Variants in AGBL4 observed in about 807,000 individuals in gnomAD.
AGBL4 encodes the protein cytosolic carboxypeptidase 6.
In AGBL4, 58 loss-of-function variants were observed where a neutral mutation model predicts 66.4. That is an observed-to-expected ratio of 0.87 (90% CI 0.71 to 1.09). The LOEUF is 1.09. Ranked by LOEUF, AGBL4 falls within the 50% of genes least tolerant of loss-of-function variation. AGBL4 has a pLI of 0.00. For synonymous variants in AGBL4, 234 were observed against 222.9 expected (o/e 1.05, Z -0.44); for missense variants, 579 against 631.0 (o/e 0.92, Z 0.88).
chr1:48,923,624 T>C lies in AGBL4; in HGVS notation c.595-56394A>G, dbSNP rs574818040. Among the ~76,000 whole-genome samples the C allele has an allele frequency of 5.3e-5, 8 of 152,356 alleles. 1 individual carries two copies. The South Asian group carries it at 1.7e-3, about 32-fold the overall frequency. ...AATGTTTTCGTTTAGATTTAGAACA[T>C]ACAGCCCCAGTATGGAGCTGATTTC... On this transcript the variant is annotated intron_variant, in intron 5 of 13. Coordinates refer to ENST00000371839, the MANE Select transcript of AGBL4 (RefSeq NM_032785.4).
intron 2 of AGBL4, among the ~76,000 whole-genome samples, chr1:49,700,340 T>TAGAC (rs1250002569): frequency 1.0e-4 from 14 of 136,952 alleles, no homozygotes; most frequent in Admixed American, 9.7e-4. Context: ...GATAGATAGA[T>TAGAC]AGACAGATAG....
intron 3 of AGBL4, among the ~76,000 whole-genome samples, chr1:49,533,912 C>T (rs74635783): frequency 5.3e-5 from 8 of 152,132 alleles, no homozygotes; most frequent in East Asian, 1.9e-4. Context: ...GTGTGAGTCA[C>T]GCTGCAGGTT....
At chr1:48,972,361 T>G (rs971102674) in intron 5 of AGBL4, among the ~76,000 whole-genome samples, 4 of 152,170 alleles carry the variant, frequency 2.6e-5, no homozygotes, top group Non-Finnish European at 4.4e-5. Flanking sequence ...GGATGAGGAC[T>G]CAGACATGAT....
intron 10 of AGBL4, among the ~76,000 whole-genome samples, chr1:48,588,829 AG>A (rs1450161530): frequency 6.7e-6 from 1 of 150,362 alleles, no homozygotes; most frequent in Non-Finnish European, 1.5e-5. Context: ...AGAGAAGAGA[AG>A]AGAAGAGAAG....
At chr1:49,468,381 C>T (rs900898598) in intron 3 of AGBL4, among the ~76,000 whole-genome samples, 6 of 151,780 alleles carry the variant, frequency 4.0e-5, no homozygotes, top group African/African-American at 1.4e-4. Flanking sequence ...AGATTTGTAT[C>T]ATAATCCTGA....
At chr1:49,552,544 G>A (rs558816507) in intron 3 of AGBL4, among the ~76,000 whole-genome samples, 3 of 152,218 alleles carry the variant, frequency 2.0e-5, no homozygotes, top group African/African-American at 7.2e-5. Context: ...AGGTAAGGTC[G>A]GAAACTTCTC....
Position 49,545,206 on chromosome 1 carries a change from A to G in AGBL4, c.282+152107T>C, listed in dbSNP as rs1652375927. ...CCTATCTTGCTAGAAGACTCTCTCT[A>G]TTGCTTTTTCAGCTTTCATGTTATG... On this transcript the variant is annotated intron_variant, in intron 3 of 13. Transcript: ENST00000371839. 2.6e-5 allele frequency among the ~76,000 whole-genome samples: 4 copies of G among 152,198 alleles called. No individual in the cohort carries two copies. The South Asian group carries it at 6.2e-4, about 24-fold the overall frequency.
chr1:48,981,078 A>G (rs1659728610), intron 5 of AGBL4, among the ~76,000 whole-genome samples: 1 of 152,148 alleles, frequency 6.6e-6, no homozygotes, highest in Non-Finnish European at 1.5e-5. Flanking sequence ...CCAAGGAGAT[A>G]AAACATGGAT....
chr1:48,940,175 C>T (rs983038552), intron 5 of AGBL4, among the ~76,000 whole-genome samples: 4 of 152,090 alleles, frequency 2.6e-5, no homozygotes, highest in Admixed American at 6.6e-5. Context: ...GTCAGGAGTT[C>T]GAAACCAGCC....
intron 3 of AGBL4, among the ~76,000 whole-genome samples, chr1:49,543,146 C>G (rs1652196483): frequency 2.0e-5 from 3 of 152,110 alleles, no homozygotes; most frequent in Non-Finnish European, 2.9e-5. Flanking sequence ...CTGTCCCTCT[C>G]TAGTCTACAC....
At chr1:49,160,654 G>A (rs969413298) in intron 4 of AGBL4, among the ~76,000 whole-genome samples, 17 of 152,124 alleles carry the variant, frequency 1.1e-4, no homozygotes, top group Admixed American at 2.6e-4. Context: ...GCCCACAGCC[G>A]CCCCTTCCCC....
intron 1 of AGBL4, among the ~76,000 whole-genome samples, chr1:49,997,611 G>A (rs996813956): frequency 7.9e-5 from 12 of 151,996 alleles, no homozygotes; most frequent in African/African-American, 2.9e-4. Flanking sequence ...AATAGTGGAA[G>A]ACTTCAATAC....
chr1:49,419,624 T>C (rs1570671268), intron 3 of AGBL4, among the ~76,000 whole-genome samples: 1 of 152,220 alleles, frequency 6.6e-6, no homozygotes, highest in African/African-American at 2.4e-5. Context: ...TACATTTCAG[T>C]TGGAGATCAG....
intron 5 of AGBL4, among the ~76,000 whole-genome samples, chr1:48,966,546 A>G (rs1658436120): frequency 6.6e-6 from 1 of 152,212 alleles, no homozygotes; most frequent in Non-Finnish European, 1.5e-5. Flanking sequence ...GGATTTCTCC[A>G]AAAGAAAAGA....
chr1:49,655,553 A>G (rs1571262295), intron 3 of AGBL4, among the ~76,000 whole-genome samples: 4 of 152,344 alleles, frequency 2.6e-5, no homozygotes, highest in African/African-American at 2.4e-5. Context: ...CACTTAAAGC[A>G]GTGTGTAGAG....
At chr1:49,287,734 G>A (rs1267463258) in intron 3 of AGBL4, among the ~76,000 whole-genome samples, 1 of 149,236 alleles carries the variant, frequency 6.7e-6, no homozygotes, top group Non-Finnish European at 1.5e-5. Context: ...GAGAGGATGT[G>A]GAGAAATAGG....
intron 3 of AGBL4, among the ~76,000 whole-genome samples, chr1:49,656,160 A>T (rs1257371309): frequency 1.3e-5 from 2 of 151,840 alleles, no homozygotes; most frequent in Non-Finnish European, 2.9e-5. Context: ...AAAAAAAAAA[A>T]TGATAAAGGG....
chr1:49,840,276 C>G (rs555708710), intron 2 of AGBL4, among the ~76,000 whole-genome samples: 16 of 152,232 alleles, frequency 1.1e-4, no homozygotes, highest in Non-Finnish European at 2.1e-4. Context: ...TCATAGTAGT[C>G]TCTGGGGATT....
intron 2 of AGBL4, among the ~76,000 whole-genome samples, chr1:49,798,924 T>G (rs1348060920): frequency 6.6e-6 from 1 of 152,172 alleles, no homozygotes. Flanking sequence ...TCTTCAAAAT[T>G]ATAGCTACTT....
Sources: gnomAD v4.1 joint callset for allele counts (sites outside exome capture counted in the v4.1 genomes callset) on GRCh38, gnomAD v4.1.1 for gene constraint, MANE v1.5 for transcripts, NCBI Gene and HGNC (gene_info 2026-07-23, HGNC 2026-07-21) for gene names.